SEPTIN9: variants seen among roughly 807,000 people sequenced by gnomAD.
SEPTIN9 encodes the protein septin 9, also known as septin-9.
A neutral mutation model predicts 56.6 loss-of-function variants in SEPTIN9; 13 were observed. That is an observed-to-expected ratio of 0.23 (90% confidence interval 0.15 to 0.37). SEPTIN9 has a LOEUF of 0.37. Among genes scored for constraint, SEPTIN9 ranks in the 10% least tolerant of loss-of-function variants. SEPTIN9 has a pLI of 1.00. For synonymous variants in SEPTIN9, 332 were observed against 334.1 expected (o/e 0.99, Z 0.07); for missense variants, 650 against 823.1 (o/e 0.79, Z 2.57).
rs116776768 is a variant in SEPTIN9 at position 77,498,297 on chromosome 17, G to A, written c.1626-226G>A. 0.015 allele frequency among the ~76,000 whole-genome samples: 2,291 copies of A among 152,102 alleles called. 42 individuals carry two copies. The highest frequency in any genetic ancestry group is 0.052 in the African/African-American group (2,155 of 41,498). ...GCACTGGAATATGTGTGTTCTGACC[G>A]AGTCTGGGCTTACCAGGGGGACTGA... is the stretch of plus-strand genomic sequence containing the variant. On this transcript the variant is annotated intron_variant, in intron 11 of 11. Transcript: ENST00000427177.
At chr17:77,373,891 C>A in intron 2 of SEPTIN9, 2 of 288,406 alleles carry the variant, frequency 6.9e-6, no homozygotes, top group Non-Finnish European at 1.3e-5. Flanking sequence ...GCGAGGCTGC[C>A]TCGGAACTCT....
chr17:77,390,013 G>A (rs569728369), intron 2 of SEPTIN9, among the ~76,000 whole-genome samples: 3 of 152,282 alleles, frequency 2.0e-5, no homozygotes, highest in Admixed American at 6.5e-5. Context: ...AGGGGCACGC[G>A]GTAGATGACG....
rs145516864 is a variant in SEPTIN9, at chr17:77,408,496, C to T, written c.721+5793C>T. Among the ~76,000 whole-genome samples, 1,232 of 152,316 alleles carry T rather than the reference C, an allele frequency of 8.1e-3. 9 individuals carry two copies. Among genetic ancestry groups the T allele is most frequent in the South Asian group, 0.011 (52 of 4,830 alleles). On this transcript the variant is annotated intron_variant, in intron 3 of 11. Coordinates refer to ENST00000427177, the MANE Select transcript of SEPTIN9 (RefSeq NM_001113491.2). ...CGTGGCTCTTCGCATACTTGGTCCG[C>T]ACCGGGCCGTGTGTTCCAGGGGCAG...
chr17:77,414,088 A>T (rs1199138541), intron 3 of SEPTIN9, among the ~76,000 whole-genome samples: 2 of 150,060 alleles, frequency 1.3e-5, no homozygotes, highest in Non-Finnish European at 1.5e-5. Context: ...TTATTTATTT[A>T]TTTTTTTGAG....
intron 1 of SEPTIN9, among the ~76,000 whole-genome samples, chr17:77,299,758 G>A (rs916311433): frequency 6.6e-6 from 1 of 152,214 alleles, no homozygotes; most frequent in Non-Finnish European, 1.5e-5. Flanking sequence ...CAAGGTGGAC[G>A]CCTGCTGCCC....
intron 2 of SEPTIN9, among the ~76,000 whole-genome samples, chr17:77,348,444 C>T (rs187784989): frequency 7.4e-4 from 113 of 151,796 alleles, no homozygotes; most frequent in Admixed American, 1.5e-3. Flanking sequence ...GGATTACAGA[C>T]GCCTGCCACC....
chr17:77,355,064 C>T (rs114242219), intron 2 of SEPTIN9, among the ~76,000 whole-genome samples: 17 of 152,300 alleles, frequency 1.1e-4, no homozygotes, highest in South Asian at 1.0e-3. Context: ...TGCTTTTCTA[C>T]GTGCCGATTA....
chr17:77,355,843 G>A (rs957959149), intron 2 of SEPTIN9, among the ~76,000 whole-genome samples: 6 of 151,442 alleles, frequency 4.0e-5, no homozygotes, highest in East Asian at 2.0e-4. Flanking sequence ...TTAGCCGGGC[G>A]TGGTGGCGGG....
chr17:77,460,957 G>A (rs1233633588), intron 3 of SEPTIN9, among the ~76,000 whole-genome samples: 1 of 152,060 alleles, frequency 6.6e-6, no homozygotes, highest in African/African-American at 2.4e-5. Flanking sequence ...TATTTAAAAG[G>A]GTCATTTAGT....
intron 3 of SEPTIN9, among the ~76,000 whole-genome samples, chr17:77,477,587 G>A (rs1409299576): frequency 2.6e-5 from 4 of 152,194 alleles, no homozygotes; most frequent in Non-Finnish European, 1.5e-5. Context: ...GCTACTCACG[G>A]GCTGCACTAG....
At chr17:77,298,701 C>G (rs778538328) in intron 1 of SEPTIN9, among the ~76,000 whole-genome samples, 3 of 152,230 alleles carry the variant, frequency 2.0e-5, no homozygotes, top group Non-Finnish European at 4.4e-5. Context: ...TCTGATGCCT[C>G]TGAACCTCCT....
rs1016602807 is a variant in SEPTIN9, at chr17:77,453,102, C to G, written c.722-29042C>G. On this transcript the variant is annotated intron_variant, in intron 3 of 11. Coordinates refer to ENST00000427177, the MANE Select transcript of SEPTIN9 (RefSeq NM_001113491.2). This position sits in a 1 kb window ranked among gnomAD's most constrained non-coding sequence, Gnocchi z 4.4. ...GCCACTTTGTGTTCCCACTAGCCCC[C>G]GCCCCTGTAGGCTGTCATTGTGATG... Among the ~76,000 whole-genome samples the G allele has an allele frequency of 6.6e-6, 1 of 151,986 alleles. No individual in the cohort carries two copies. Among genetic ancestry groups the G allele is most frequent in the South Asian group, 2.1e-4 (1 of 4,822 alleles).
At chr17:77,320,457 A>G (rs964085897) in intron 2 of SEPTIN9, 2 of 972,262 alleles carry the variant, frequency 2.1e-6, no homozygotes, top group Non-Finnish European at 3.3e-6. Context: ...CTCATTTTTC[A>G]CAGAAATATT....
At chr17:77,342,999 G>GTCTA (rs1333729896) in intron 2 of SEPTIN9, among the ~76,000 whole-genome samples, 233 of 80,878 alleles carry the variant, frequency 2.9e-3, no homozygotes, top group South Asian at 0.018. Flanking sequence ...CTGTCTGTCT[G>GTCTA]TCTGTCTATC....
At chr17:77,489,100 T>C (rs1334752159) in intron 7 of SEPTIN9, among the ~76,000 whole-genome samples, 1 of 152,190 alleles carries the variant, frequency 6.6e-6, no homozygotes, top group African/African-American at 2.4e-5. Context: ...CTTGGGGAGC[T>C]GAGGGTCAGG....
At chr17:77,388,024 G>A (rs575760486) in intron 2 of SEPTIN9, among the ~76,000 whole-genome samples, 38 of 152,106 alleles carry the variant, frequency 2.5e-4, no homozygotes, top group Admixed American at 1.4e-3. Context: ...TGGTCTCAGC[G>A]CCTACTCCTC....
intron 3 of SEPTIN9, among the ~76,000 whole-genome samples, chr17:77,415,755 G>A (rs1426978786): frequency 1.3e-5 from 2 of 152,250 alleles, no homozygotes; most frequent in Non-Finnish European, 1.5e-5. Context: ...GCTGACGTGC[G>A]ACCAAGGCAC....
intron 2 of SEPTIN9, among the ~76,000 whole-genome samples, chr17:77,341,746 C>A (rs1289385543): frequency 7.8e-6 from 1 of 127,516 alleles, no homozygotes; most frequent in Non-Finnish European, 1.6e-5. Context: ...CTGCACTCCA[C>A]TGCACTCCAG....
chr17:77,410,050 C>T (rs1431520232), intron 3 of SEPTIN9, among the ~76,000 whole-genome samples: 2 of 152,186 alleles, frequency 1.3e-5, no homozygotes, highest in Non-Finnish European at 2.9e-5. Flanking sequence ...TTATAAGTGA[C>T]TCTGTCTCCT....
Sources: allele counts gnomAD v4.1 joint callset (sites outside exome capture counted in the v4.1 genomes callset), GRCh38; gene constraint gnomAD v4.1.1; non-coding constraint Gnocchi (gnomAD v3.1); transcripts MANE v1.5; gene names NCBI Gene and HGNC (gene_info 2026-07-23, HGNC 2026-07-21).